ETHE1: variants seen among roughly 807,000 people sequenced by gnomAD.
ETHE1 encodes persulfide dioxygenase ETHE1, mitochondrial.
ETHE1 carries 16 observed loss-of-function variants against 25.7 expected under a neutral mutation model. The observed-to-expected ratio is 0.62, with a 90% CI of 0.42 to 0.95. The LOEUF (loss-of-function observed/expected upper bound fraction) is 0.95. Among genes scored for constraint, ETHE1 ranks in the 40% least tolerant of loss-of-function variants. The probability of loss-of-function intolerance (pLI) is 0.00; values close to 1 mark genes in which losing one functional copy is unlikely to be tolerated. For missense variants in ETHE1, 300 were observed against 333.6 expected, an observed-to-expected ratio of 0.90 and a Z score of 0.79; for synonymous variants, 139 against 135.9, an observed-to-expected ratio of 1.02 and a Z score of -0.16.
chr19:43,522,388 G>A (rs1972153657), intron 3 of ETHE1, among the ~76,000 whole-genome samples: 1 of 152,122 alleles, frequency 6.6e-6, no homozygotes, highest in Non-Finnish European at 1.5e-5. Flanking sequence ...TCACGCCAGT[G>A]CATACCAGCT....
chr19:43,519,455 G>A (rs556513177), intron 3 of ETHE1, among the ~76,000 whole-genome samples: 2 of 152,138 alleles, frequency 1.3e-5, no homozygotes, highest in South Asian at 2.1e-4. Flanking sequence ...AGTGATTTCC[G>A]CAACAGCCCA....
At chr19:43,508,290 A>T (rs1249038191) in intron 5 of ETHE1, among the ~76,000 whole-genome samples, 1 of 151,346 alleles carries the variant, frequency 6.6e-6, no homozygotes, top group Non-Finnish European at 1.5e-5. Context: ...AATTCTAGGC[A>T]TCTGGCAGTC....
chr19:43,508,520 G>A (rs1260463987), intron 5 of ETHE1, among the ~76,000 whole-genome samples: 1 of 151,932 alleles, frequency 6.6e-6, no homozygotes, highest in Admixed American at 6.6e-5. Context: ...CTTGTATTTT[G>A]TAGAGGCAGG....
At chr19:43,526,727 G>T (rs570215986) in intron 1 of ETHE1, 68 bp from the exon 2 acceptor site, 28 of 1,609,072 alleles carry the variant, frequency 1.7e-5, no homozygotes, top group Admixed American at 8.4e-5. Flanking sequence ...AAGTAGTCCA[G>T]ACTGACCCTA....
chr19:43,514,645 C>G (rs1971985578), intron 3 of ETHE1, among the ~76,000 whole-genome samples: 1 of 152,044 alleles, frequency 6.6e-6, no homozygotes, highest in African/African-American at 2.4e-5. Flanking sequence ...ACCACCACAC[C>G]TGGCTAATTT....
At chr19:43,518,521 C>A (rs1413810542) in intron 3 of ETHE1, among the ~76,000 whole-genome samples, 1 of 151,464 alleles carries the variant, frequency 6.6e-6, no homozygotes, top group South Asian at 2.1e-4. Context: ...CCGAGACGGG[C>A]GGATCACGAG....
chr19:43,522,362 C>T (rs1972153161), intron 3 of ETHE1, among the ~76,000 whole-genome samples: 1 of 152,098 alleles, frequency 6.6e-6, no homozygotes, highest in Non-Finnish European at 1.5e-5. Context: ...GAGTTGGAGG[C>T]TGCAATGAGC....
intron 3 of ETHE1, among the ~76,000 whole-genome samples, chr19:43,516,327 T>C (rs1972017884): frequency 6.6e-6 from 1 of 151,828 alleles, no homozygotes; most frequent in South Asian, 2.1e-4. Context: ...TTAACCAGAG[T>C]CTCACTCTGT....
intron 3 of ETHE1, among the ~76,000 whole-genome samples, chr19:43,524,788 A>T (rs1005164970): frequency 1.3e-5 from 2 of 152,026 alleles, no homozygotes; most frequent in African/African-American, 4.8e-5. Flanking sequence ...TGGGTGACAG[A>T]GCAAGACCTT....
chr19:43,514,580 A>G (rs1012984735), intron 3 of ETHE1, among the ~76,000 whole-genome samples: 7 of 137,210 alleles, frequency 5.1e-5, no homozygotes, highest in Non-Finnish European at 7.6e-5. Flanking sequence ...CTGCCTCCCC[A>G]GTTCAAGCAA....
Position 43,518,751 on chromosome 19 carries a change from CAAA to C in ETHE1, c.376-7188_376-7186del, listed in dbSNP as rs34214132. Among the ~76,000 whole-genome samples, 310 of 77,592 alleles carry C rather than the reference CAAA, an allele frequency of 4.0e-3. 3 individuals are homozygous for C. Among genetic ancestry groups the C allele is most frequent in the Admixed American group, 0.038 (226 of 5,956 alleles). The allele number at this position is 77,592 out of a possible 152,430, so 50.9% of individuals were successfully genotyped here. On this transcript the variant is annotated intron_variant, in intron 3 of 6. Coordinates refer to ENST00000292147, the MANE Select transcript of ETHE1 (RefSeq NM_014297.5). Reference sequence around the variant, plus strand: ...GGGCGACAGAGCGAGACTCTTGTCTCAAAAAAAAAAAAAAAAAAAAAAAGTTAC... The same window carrying C: ...GGGCGACAGAGCGAGACTCTTGTCTCAAAAAAAAAAAAAAAAAAAAGTTAC...
chr19:43,511,071 C>T (rs1047350630), intron 4 of ETHE1, among the ~76,000 whole-genome samples: 2 of 152,070 alleles, frequency 1.3e-5, no homozygotes, highest in Admixed American at 6.6e-5. Context: ...TCCGTCTCTC[C>T]CAGATGTGAC....
intron 4 of ETHE1, among the ~76,000 whole-genome samples, chr19:43,509,540 A>C (rs1971866388): frequency 6.6e-6 from 1 of 150,794 alleles, no homozygotes; most frequent in African/African-American, 2.4e-5. Context: ...TCACGCCTGT[A>C]ATCCCAGCAC....
intron 3 of ETHE1, among the ~76,000 whole-genome samples, chr19:43,524,150 C>G (rs1323327755): frequency 1.3e-5 from 2 of 151,970 alleles, no homozygotes; most frequent in Non-Finnish European, 2.9e-5. Context: ...TTGCGCTAAG[C>G]TGAGATAGCG....
intron 3 of ETHE1, among the ~76,000 whole-genome samples, chr19:43,514,305 A>G (rs1971978280): frequency 6.6e-6 from 1 of 152,078 alleles, no homozygotes; most frequent in South Asian, 2.1e-4. Flanking sequence ...AAGTCTCACA[A>G]GATCTGATGA....
At chr19:43,508,125 T>A (rs1015510757) in intron 5 of ETHE1, 65 bp from the exon 6 acceptor site, 40 of 1,601,030 alleles carry the variant, frequency 2.5e-5, no homozygotes, top group East Asian at 8.9e-5. Context: ...CAGAACTACA[T>A]TCCCCAGGAG....
At chr19:43,509,605 C>A (rs1327764677) in intron 4 of ETHE1, among the ~76,000 whole-genome samples, 1 of 151,904 alleles carries the variant, frequency 6.6e-6, no homozygotes, top group Non-Finnish European at 1.5e-5. Flanking sequence ...ACCATCCTGG[C>A]TAACATGGTA....
intron 3 of ETHE1, among the ~76,000 whole-genome samples, chr19:43,517,955 AAAAAAAC>A (rs1167854926): frequency 4.0e-5 from 6 of 151,784 alleles, no homozygotes; most frequent in Non-Finnish European, 7.4e-5. Context: ...GTCTCAAAAA[AAAAAAAC>A]AAAAAACAAA....
chr19:43,513,763 C>G (rs1971966520), intron 3 of ETHE1, among the ~76,000 whole-genome samples: 3 of 151,150 alleles, frequency 2.0e-5, no homozygotes, highest in Admixed American at 2.0e-4. Context: ...ACTCTGTCAC[C>G]CAGGCTGGGA....
Sources: allele counts gnomAD v4.1 joint callset (sites outside exome capture counted in the v4.1 genomes callset), GRCh38; gene constraint gnomAD v4.1.1; transcripts MANE v1.5; gene names NCBI Gene and HGNC (gene_info 2026-07-23, HGNC 2026-07-21).